Variants in TBC1D10B observed in about 807,000 individuals in gnomAD.
The protein encoded by TBC1D10B is Rab27A-GAPbeta.
TBC1D10B carries 25 observed loss-of-function variants against 78.4 expected under a neutral mutation model. That is an observed-to-expected ratio of 0.32 (90% CI 0.23 to 0.45). TBC1D10B has a LOEUF of 0.45. Among genes scored for constraint, TBC1D10B ranks in the 20% least tolerant of loss-of-function variants. The probability of loss-of-function intolerance (pLI) is 1.00; values close to 1 mark genes in which losing one functional copy is unlikely to be tolerated. For synonymous variants in TBC1D10B, 517 were observed against 478.0 expected, an observed-to-expected ratio of 1.08 and a Z score of -1.06; for missense variants, 996 against 1,104.8, an observed-to-expected ratio of 0.90 and a Z score of 1.40.
chr16:30,360,057 C>A (rs2049589796), intron 4 of TBC1D10B: 9 of 548,320 alleles, frequency 1.6e-5, no homozygotes. Context: ...TCCTGGCCAT[C>A]CCAGCACAGG....
rs1170362990 is a variant in TBC1D10B at position 30,357,626 on chromosome 16, C to G, written c.*318G>C. 4.7e-6 allele frequency: 2 copies of G among 423,548 alleles called. No individual in the cohort carries two copies. The highest frequency in any genetic ancestry group is 8.5e-6 in the Non-Finnish European group (2 of 234,384). The allele number at this position is 423,548 out of a possible 1,614,324, so 26.2% of individuals were successfully genotyped here. On this transcript the variant is annotated 3_prime_UTR_variant, in exon 9 of 9. Coordinates refer to ENST00000409939, the MANE Select transcript of TBC1D10B (RefSeq NM_015527.4). ...GTGTAAGAATCTGAAACTGCTGACT[C>G]CCATCACCAGGAGTCACCCCTGGGA...
chr16:30,364,876 A>T, intron 4 of TBC1D10B, 24 bp downstream of exon 4: 3 of 1,580,182 alleles, frequency 1.9e-6, no homozygotes, highest in Non-Finnish European at 2.6e-6. Flanking sequence ...TTGCTGACTG[A>T]CCCCCATGGT....
intron 4 of TBC1D10B, among the ~76,000 whole-genome samples, chr16:30,364,269 C>A (rs2049619037): frequency 6.6e-6 from 1 of 152,034 alleles, no homozygotes; most frequent in South Asian, 2.1e-4. Flanking sequence ...AGTGAAACCC[C>A]GTCTCTGCTA....
In TBC1D10B at chr16:30,357,558, G is replaced by GT. The variant is rs2049561402; in HGVS notation, c.*385_*386insA. 1.2e-5 allele frequency: 3 copies of GT among 247,024 alleles called. No homozygotes were observed. The South Asian group carries it at 2.5e-4, about 20-fold the overall frequency. 15.3% of individuals were successfully genotyped at this position (247,024 alleles called of 1,614,324 possible). A position where few individuals can be genotyped will look rare whatever the true frequency, so the allele number is the denominator to read the frequency against. On this transcript the variant is annotated 3_prime_UTR_variant, in exon 9 of 9. Coordinates refer to ENST00000409939, the MANE Select transcript of TBC1D10B (RefSeq NM_015527.4). ...GGAGACAGGGAGGGCTGAAGACAGG[G>GT]AAAAGGAAGCCAGCTCCACCTCATG... is the stretch of plus-strand genomic sequence containing the variant.
At position 30,370,001 on chromosome 16, in the gene TBC1D10B, G is replaced by A; in HGVS notation, c.183C>T (p.Ala61=). The change falls in exon 1 of 9, where the codon GCC becomes GCT. Residue 61 remains alanine (A), a synonymous_variant. Transcript: ENST00000409939. ...AGGTCTCGGCCGACCCCGGGACCCA[G>A]GCGGGCCGCGCCTCCCCGGGGGCCA... ...TLVAPGEARP[A]WVPGSAETSA... The A allele has an allele frequency of 8.1e-7, 1 of 1,233,552 alleles. No individual in the cohort carries two copies. The highest frequency in any genetic ancestry group is 1.0e-6 in the Non-Finnish European group (1 of 988,674). The allele number at this position is 1,233,552 out of a possible 1,614,324, so 76.4% of individuals were successfully genotyped here.
In TBC1D10B at chr16:30,358,505, C is replaced by G; in HGVS notation, c.1866G>C (p.Arg622=). ...GATACTGCAGCTCCCCCCGCGTTTC[C>G]CGCCACTTCTTGAGCTGGGCTGCAT... ...RENAAQLKKW[R]ETRGELQYRP... Residue 622 remains arginine, a synonymous_variant, in exon 9 of 9, where the codon CGG becomes CGC. Coordinates refer to ENST00000409939, the MANE Select transcript of TBC1D10B (RefSeq NM_015527.4). 1 of 1,609,372 alleles carries G rather than the reference C, an allele frequency of 6.2e-7. No individual in the cohort carries two copies.
chr16:30,360,056 T>A (rs1374029050), intron 4 of TBC1D10B: 1 of 547,290 alleles, frequency 1.8e-6, no homozygotes, highest in Non-Finnish European at 3.3e-6. Context: ...CTCCTGGCCA[T>A]CCCAGCACAG....
Position 30,365,633 on chromosome 16 carries a change from T to C in TBC1D10B, c.957-39A>G. The C allele has an allele frequency of 1.9e-6, 3 of 1,598,310 alleles. No individual in the cohort carries two copies. Among genetic ancestry groups the C allele is most frequent in the African/African-American group, 1.3e-5 (1 of 74,710 alleles). The stretch of plus-strand genomic sequence containing the variant: ...GGAGCACGGAAGGGGTCAGTAGCAA[T>C]AGTGTAAAACCTGCATTGCAGGGGG... On this transcript the variant is annotated intron_variant, in intron 1 of 8. Transcript: ENST00000409939. This position sits in a 1 kb window ranked among gnomAD's most constrained non-coding sequence, Gnocchi z 5.0.
At chr16:30,368,788 C>T (rs894851094) in intron 1 of TBC1D10B, among the ~76,000 whole-genome samples, 1 of 152,188 alleles carries the variant, frequency 6.6e-6, no homozygotes, top group African/African-American at 2.4e-5. Context: ...TGCCTGCACC[C>T]CTCCCAGGCT....
In TBC1D10B at chr16:30,358,254, G is replaced by A; in HGVS notation, c.2117C>T (p.Pro706Leu). Residue 706 changes from proline (P) to leucine (L), a missense_variant, in exon 9 of 9, where the codon CCC (proline) becomes CTC (leucine). By Grantham distance (98) the Pro-to-Leu change is moderately conservative (BLOSUM62 -3). Coordinates refer to ENST00000409939, the MANE Select transcript of TBC1D10B (RefSeq NM_015527.4). Reference protein sequence around the residue: ...VTAEGLHPSLPSPTGNSTPLG... With the variant: ...VTAEGLHPSLLSPTGNSTPLG... ...GGGGGTGCTATTGCCAGTGGGTGAG[G>A]GAAGGGATGGATGCAGTCCCTCAGC... 1.3e-6 allele frequency: 2 copies of A among 1,571,220 alleles called. No homozygotes were observed. Among genetic ancestry groups the A allele is most frequent in the South Asian group, 1.2e-5 (1 of 85,264 alleles).
At chr16:30,361,787 C>G (rs1273901862) in intron 4 of TBC1D10B, among the ~76,000 whole-genome samples, 1 of 151,896 alleles carries the variant, frequency 6.6e-6, no homozygotes, top group Non-Finnish European at 1.5e-5. Flanking sequence ...TCTCGGCTCA[C>G]TGAAACCTCT....
At chr16:30,368,632 G>A (rs780379299) in intron 1 of TBC1D10B, among the ~76,000 whole-genome samples, 1 of 152,034 alleles carries the variant, frequency 6.6e-6, no homozygotes, top group Non-Finnish European at 1.5e-5. Context: ...ATGGGGAAGA[G>A]GCCTCTCCCA....
chr16:30,358,919 T>C, intron 7 of TBC1D10B, 102 bp from the exon 8 acceptor site: 3 of 1,412,278 alleles, frequency 2.1e-6, no homozygotes, highest in African/African-American at 1.4e-5. Context: ...CTACTGCCAA[T>C]CTCAGATGAG....
chr16:30,363,859 T>C lies in TBC1D10B; in HGVS notation c.1271+1041A>G, dbSNP rs554086181. ...GGCTGACCGTGTTGGCTCACGCCTA[T>C]AACGCTAGCACTTTGGGAGGCCAAG... On this transcript the variant is annotated intron_variant, in intron 4 of 8. Transcript: ENST00000409939. Among the ~76,000 whole-genome samples, 143 of 152,334 alleles carry C rather than the reference T, an allele frequency of 9.4e-4. 1 individual carries two copies. The highest frequency in any genetic ancestry group is 3.2e-3 in the African/African-American group (134 of 41,584).
At chr16:30,359,089 T>C (rs1377675368) in intron 7 of TBC1D10B, 83 bp downstream of exon 7, 1 of 1,473,988 alleles carries the variant, frequency 6.8e-7, no homozygotes, top group Non-Finnish European at 9.1e-7. Context: ...CTTTTGTCCA[T>C]GGACCACCAG....
intron 1 of TBC1D10B, chr16:30,367,949 G>A (rs1297452736): frequency 6.6e-6 from 1 of 152,220 alleles, no homozygotes; most frequent in African/African-American, 2.4e-5. Flanking sequence ...CCCAAACTAA[G>A]TTCAGCCCGA....
chr16:30,369,934 CAGCCGGGGCTGGGGCCGGGGCTGG>C lies in TBC1D10B; in HGVS notation c.226_249del (p.Pro76_Ala83del). 1 of 1,302,588 alleles carries C rather than the reference CAGCCGGGGCTGGGGCCGGGGCTGG, an allele frequency of 7.7e-7. No homozygotes were observed. The highest frequency in any genetic ancestry group is 9.7e-7 in the Non-Finnish European group (1 of 1,027,540). 80.7% of individuals were successfully genotyped at this position (1,302,588 alleles called of 1,614,324 possible). ...AGCACCACCACCGTGCTGCCCGTGA[CAGCCGGGGCTGGGGCCGGGGCTGG>C]GGCCGGGGCCGGAGCAGAGGTCTCG... On this transcript the variant is annotated inframe_deletion, in exon 1 of 9. Coordinates refer to ENST00000409939, the MANE Select transcript of TBC1D10B (RefSeq NM_015527.4). This position sits in a 1 kb window ranked among gnomAD's most constrained non-coding sequence, Gnocchi z 4.3.
rs2049564641 is a variant in TBC1D10B, at chr16:30,357,863, C to G, written c.*81G>C. The G allele has an allele frequency of 2.7e-6, 4 of 1,471,076 alleles. No homozygotes were observed. Among genetic ancestry groups the G allele is most frequent in the African/African-American group, 2.8e-5 (2 of 70,788 alleles). The allele number at this position is 1,471,076 out of a possible 1,614,324, so 91.1% of individuals were successfully genotyped here. A position where few individuals can be genotyped will look rare whatever the true frequency, so the allele number is the denominator to read the frequency against. On this transcript the variant is annotated 3_prime_UTR_variant, in exon 9 of 9. Transcript: ENST00000409939. Reference sequence around the variant, plus strand: ...CAGCAAGGGACAGCCTGACAAGGTGCTAGGGGGTGGCACCTTGGGCCAGGC... The same window carrying G: ...CAGCAAGGGACAGCCTGACAAGGTGGTAGGGGGTGGCACCTTGGGCCAGGC...
In TBC1D10B at chr16:30,369,875, C is replaced by A; in HGVS notation, c.309G>T (p.Pro103=). ...TLEASPEAPK[P]QLPSGPESPE... ...GGGATTCCGGGCCGGAGGGGAGCTG[C>A]GGCTTTGGGGCTTCGGGCGAGGCCT... is the stretch of plus-strand genomic sequence containing the variant. Residue 103 remains proline, a synonymous_variant, in exon 1 of 9, where the codon CCG becomes CCT. Transcript: ENST00000409939. The surrounding 1 kb of genome is among the most constrained non-coding windows in gnomAD (Gnocchi z 4.3). 7.2e-7 allele frequency: 1 copy of A among 1,397,426 alleles called. No homozygotes were observed. The highest frequency in any genetic ancestry group is 1.6e-5 in the South Asian group (1 of 62,136). 86.6% of individuals were successfully genotyped at this position (1,397,426 alleles called of 1,614,324 possible).
Sources: gnomAD v4.1 joint callset for allele counts (sites outside exome capture counted in the v4.1 genomes callset) on GRCh38, gnomAD v4.1.1 for gene constraint, Gnocchi (gnomAD v3.1) non-coding constraint, MANE v1.5 for transcripts, NCBI Gene and HGNC (gene_info 2026-07-23, HGNC 2026-07-21) for gene names.